Variants in PLCB1 observed in about 807,000 individuals in gnomAD.
The protein encoded by PLCB1 is phospholipase C beta 1.
In PLCB1, 46 loss-of-function variants were observed where a neutral mutation model predicts 161.8. The ratio of observed to expected loss-of-function variants is 0.28; its 90% CI spans 0.22 to 0.36. PLCB1 has a LOEUF of 0.36. Ranked by LOEUF, PLCB1 falls within the 10% of genes least tolerant of loss-of-function variation. PLCB1 has a pLI of 1.00. For synonymous variants in PLCB1, 517 were observed against 503.7 expected, an observed-to-expected ratio of 1.03 and a Z score of -0.35; for missense variants, 1,016 against 1,472.5, an observed-to-expected ratio of 0.69 and a Z score of 5.07.
intron 31 of PLCB1, among the ~76,000 whole-genome samples, chr20:8,868,041 A>G (rs3915507): frequency 0.3 from 45,543 of 151,822 alleles, 7,758 homozygotes; most frequent in East Asian, 0.65. Flanking sequence ...GTTATAACCC[A>G]AGAGATTTTT....
chr20:8,667,007 A>G (rs1050152759), intron 9 of PLCB1, among the ~76,000 whole-genome samples: 1 of 152,184 alleles, frequency 6.6e-6, no homozygotes, highest in Non-Finnish European at 1.5e-5. Flanking sequence ...AATACTGACT[A>G]GTTTAAAGAT....
At chr20:8,701,055 G>C (rs899938809) in intron 11 of PLCB1, among the ~76,000 whole-genome samples, 2 of 152,204 alleles carry the variant, frequency 1.3e-5, no homozygotes, top group Non-Finnish European at 2.9e-5. Flanking sequence ...TGGCACTAGA[G>C]AGTGAGTGTC....
intron 19 of PLCB1, 52 bp from the exon 20 acceptor site, chr20:8,736,976 T>C: frequency 7.3e-7 from 1 of 1,377,268 alleles, no homozygotes; most frequent in Non-Finnish European, 1.0e-6. Flanking sequence ...TATGTCTTTG[T>C]TATTTGCATA....
intron 3 of PLCB1, among the ~76,000 whole-genome samples, chr20:8,609,695 G>A (rs1244786623): frequency 6.6e-6 from 1 of 152,110 alleles, no homozygotes; most frequent in Non-Finnish European, 1.5e-5. Flanking sequence ...CCAGGCTTAA[G>A]TGCAGTGGTG....
At chr20:8,302,254 A>G (rs1285902781) in intron 2 of PLCB1, among the ~76,000 whole-genome samples, 1 of 152,234 alleles carries the variant, frequency 6.6e-6, no homozygotes, top group East Asian at 1.9e-4. Flanking sequence ...TTCAGTGAAC[A>G]GTTGTTAGTA....
rs1600115062 is a variant in PLCB1, at chr20:8,884,250, A to G, written c.*2401A>G. 6.6e-6 allele frequency: 1 copy of G among 152,606 alleles called. No individual in the cohort carries two copies. The highest frequency in any genetic ancestry group is 1.5e-5 in the Non-Finnish European group (1 of 68,022). The allele number at this position is 152,606 out of a possible 1,614,324, so 9.5% of individuals were successfully genotyped here. A position where few individuals can be genotyped will look rare whatever the true frequency, so the allele number is the denominator to read the frequency against. ...TACTACAATGATACTATCATTTAAT[A>G]ATATTAATATTACTTGAAATAGACT... On this transcript the variant is annotated 3_prime_UTR_variant, in exon 32 of 32. Transcript: ENST00000338037.
intron 2 of PLCB1, among the ~76,000 whole-genome samples, chr20:8,268,756 A>G (rs895729200): frequency 6.6e-6 from 1 of 152,112 alleles, no homozygotes; most frequent in African/African-American, 2.4e-5. Context: ...TTGGCTGCAT[A>G]AATGTCTTCT....
At chr20:8,839,794 G>C (rs918638403) in intron 31 of PLCB1, among the ~76,000 whole-genome samples, 1 of 151,122 alleles carries the variant, frequency 6.6e-6, no homozygotes, top group Non-Finnish European at 1.5e-5. Flanking sequence ...ACTTTGGGAG[G>C]CCGAGGCAGG....
At chr20:8,540,852 C>A (rs192182206) in intron 3 of PLCB1, among the ~76,000 whole-genome samples, 29 of 152,270 alleles carry the variant, frequency 1.9e-4, no homozygotes, top group Non-Finnish European at 7.4e-5. Context: ...GAAAATACAA[C>A]CTTCTACCAG....
intron 24 of PLCB1, among the ~76,000 whole-genome samples, chr20:8,759,895 CAT>C (rs1491414228): frequency 1.3e-4 from 6 of 44,520 alleles, no homozygotes; most frequent in Non-Finnish European, 2.6e-4. Context: ...TATAATATCA[CAT>C]TTTTTTTTTT....
intron 31 of PLCB1, among the ~76,000 whole-genome samples, chr20:8,804,482 C>G (rs187884805): frequency 1.5e-3 from 229 of 152,068 alleles, no homozygotes; most frequent in African/African-American, 5.3e-3. Flanking sequence ...CTTTTCATGT[C>G]AAAATAGGTC....
At chr20:8,406,289 T>A (rs1011026855) in intron 3 of PLCB1, among the ~76,000 whole-genome samples, 25 of 152,218 alleles carry the variant, frequency 1.6e-4, no homozygotes, top group African/African-American at 5.8e-4. Context: ...TAGTAAACTT[T>A]ACTGGATGTA....
intron 10 of PLCB1, among the ~76,000 whole-genome samples, chr20:8,693,461 T>G (rs1001744913): frequency 6.6e-6 from 1 of 152,168 alleles, no homozygotes; most frequent in Non-Finnish European, 1.5e-5. Flanking sequence ...ATACATTCTC[T>G]GCATTTTGGA....
chr20:8,628,507 G>T, intron 4 of PLCB1, 76 bp downstream of exon 4: 2 of 1,478,870 alleles, frequency 1.4e-6, no homozygotes, highest in Non-Finnish European at 1.9e-6. Context: ...GCCTGCAAAA[G>T]ACTGAATTTT....
In PLCB1 at chr20:8,734,903, C is replaced by T. The variant is rs551470567; in HGVS notation, c.2043+1511C>T. 5.3e-5 allele frequency among the ~76,000 whole-genome samples: 8 copies of T among 152,272 alleles called. No individual in the cohort carries two copies. In the South Asian group the frequency reaches 1.7e-3, roughly 32 times the overall value. On this transcript the variant is annotated intron_variant, in intron 19 of 31. Transcript: ENST00000338037. ...TAACAGCTTCACTAATTTCTTTCTA[C>T]CCTAAGCAGTTGAGCACATTTTTAC... is the stretch of plus-strand genomic sequence containing the variant.
chr20:8,838,899 C>G (rs76813375), intron 31 of PLCB1, among the ~76,000 whole-genome samples: 3 of 152,306 alleles, frequency 2.0e-5, no homozygotes, highest in East Asian at 1.9e-4. Context: ...TGGCAAATGC[C>G]TTTATTTCCA....
intron 3 of PLCB1, among the ~76,000 whole-genome samples, chr20:8,553,183 A>T (rs191588312): frequency 1.3e-5 from 2 of 152,308 alleles, no homozygotes; most frequent in Non-Finnish European, 2.9e-5. Flanking sequence ...ATAGTTTCTC[A>T]TGACACAATA....
intron 3 of PLCB1, among the ~76,000 whole-genome samples, chr20:8,485,581 A>G (rs973951599): frequency 2.0e-5 from 3 of 152,216 alleles, no homozygotes; most frequent in African/African-American, 7.2e-5. Context: ...GGCACTTTCA[A>G]GGCAAGTTCT....
chr20:8,407,473 T>C (rs1309473737), intron 3 of PLCB1, among the ~76,000 whole-genome samples: 1 of 152,168 alleles, frequency 6.6e-6, no homozygotes, highest in Non-Finnish European at 1.5e-5. Flanking sequence ...CTCAGAATTA[T>C]GCAGGAGGCA....
Sources: allele counts gnomAD v4.1 joint callset (sites outside exome capture counted in the v4.1 genomes callset), GRCh38; gene constraint gnomAD v4.1.1; transcripts MANE v1.5; gene names NCBI Gene and HGNC (gene_info 2026-07-23, HGNC 2026-07-21).